The following EYA4 variants were observed in gnomAD, a reference collection of about 807,000 sequenced individuals.
EYA4 encodes EYA transcriptional coactivator and phosphatase 4.
A neutral mutation model predicts 87.9 loss-of-function variants in EYA4; 31 were observed. The ratio of observed to expected loss-of-function variants is 0.35; its 90% CI spans 0.27 to 0.48. The LOEUF (loss-of-function observed/expected upper bound fraction) is 0.48, where lower values mean the gene tolerates loss of function less well. Among genes scored for constraint, EYA4 ranks in the 20% least tolerant of loss-of-function variants. The pLI is 0.99. For synonymous variants in EYA4, 263 were observed against 270.6 expected, an observed-to-expected ratio of 0.97 and a Z score of 0.28; for missense variants, 678 against 761.4, an observed-to-expected ratio of 0.89 and a Z score of 1.29.
intron 2 of EYA4, among the ~76,000 whole-genome samples, chr6:133,304,992 G>C (rs925458002): frequency 6.6e-6 from 1 of 152,136 alleles, no homozygotes; most frequent in African/African-American, 2.4e-5. Flanking sequence ...AAGAGGGAAG[G>C]CTGCAATTTT....
chr6:133,293,185 A>G (rs558673863), intron 2 of EYA4, among the ~76,000 whole-genome samples: 3 of 152,212 alleles, frequency 2.0e-5, no homozygotes, highest in East Asian at 3.9e-4. Context: ...TGTCTTTGTT[A>G]TGCCCTCACC....
At chr6:133,469,247 C>G (rs1022425947) in intron 11 of EYA4, among the ~76,000 whole-genome samples, 12 of 151,858 alleles carry the variant, frequency 7.9e-5, no homozygotes, top group Admixed American at 7.2e-4. Context: ...ATTGCATTTG[C>G]GACACGTAAT....
At chr6:133,384,899 C>T (rs1461557951) in intron 3 of EYA4, among the ~76,000 whole-genome samples, 1 of 151,422 alleles carries the variant, frequency 6.6e-6, no homozygotes, top group Non-Finnish European at 1.5e-5. Flanking sequence ...TCTAACCTGT[C>T]AAAAAACAAA....
intron 1 of EYA4, among the ~76,000 whole-genome samples, chr6:133,257,756 T>G (rs917752587): frequency 5.3e-5 from 8 of 152,208 alleles, no homozygotes; most frequent in African/African-American, 1.9e-4. Context: ...ACAATTCTGT[T>G]TGCCTGATTC....
At chr6:133,332,711 A>ATTTTTTTTTTTTTT (rs71003634) in intron 2 of EYA4, among the ~76,000 whole-genome samples, 86 of 124,876 alleles carry the variant, frequency 6.9e-4, no homozygotes, top group Middle Eastern at 4.1e-3. Context: ...GCCCAGCTAA[A>ATTTTTTTTTTTTTT]TTTTTTTTTT....
chr6:133,309,313 A>C (rs2128328442), intron 2 of EYA4, among the ~76,000 whole-genome samples: 1 of 152,302 alleles, frequency 6.6e-6, no homozygotes, highest in South Asian at 2.1e-4. Flanking sequence ...TTTTCAGGGA[A>C]CAAATGTCAA....
intron 19 of EYA4, among the ~76,000 whole-genome samples, chr6:133,527,981 C>T (rs1197193441): frequency 6.6e-6 from 1 of 152,044 alleles, no homozygotes; most frequent in East Asian, 1.9e-4. Context: ...TTTAATGTCA[C>T]ATATGTACTG....
intron 2 of EYA4, among the ~76,000 whole-genome samples, chr6:133,348,635 T>C (rs763471922): frequency 2.0e-5 from 3 of 152,184 alleles, no homozygotes; most frequent in Non-Finnish European, 2.9e-5. Flanking sequence ...CCATTTTTTA[T>C]AGGGAAGATT....
At chr6:133,331,330 A>G (rs1781943251) in intron 2 of EYA4, among the ~76,000 whole-genome samples, 1 of 152,196 alleles carries the variant, frequency 6.6e-6, no homozygotes, top group Non-Finnish European at 1.5e-5. Context: ...AGTAGTGATC[A>G]GTATCATTTA....
rs951379319 is a variant in EYA4, at chr6:133,462,676, G to T, written c.636G>T (p.Gln212His). 3 of 1,613,852 alleles carry T rather than the reference G, an allele frequency of 1.9e-6. No individual in the cohort carries two copies. Among genetic ancestry groups the T allele is most frequent in the Non-Finnish European group, 2.5e-6 (3 of 1,179,936 alleles). ...CAGAGAGTGGACTTTCCCAAACTCAGTCCCCATTACAGAGTGGCTGCCTCA... is the reference window on the plus strand; with the variant it reads ...CAGAGAGTGGACTTTCCCAAACTCATTCCCCATTACAGAGTGGCTGCCTCA... ...IKTESGLSQT[Q>H]SPLQSGCLSY... Residue 212 changes from glutamine to histidine, a missense_variant, in exon 9 of 20, where the codon CAG (glutamine) becomes CAT (histidine). Coordinates refer to ENST00000355286, the MANE Select transcript of EYA4 (RefSeq NM_004100.5).
intron 2 of EYA4, among the ~76,000 whole-genome samples, chr6:133,323,342 A>G (rs1335039671): frequency 1.3e-5 from 2 of 152,142 alleles, no homozygotes; most frequent in African/African-American, 4.8e-5. Context: ...AAGAGCTCTG[A>G]GACTCAGAAC....
intron 1 of EYA4, among the ~76,000 whole-genome samples, chr6:133,243,159 T>C (rs1325046599): frequency 6.6e-6 from 1 of 151,394 alleles, no homozygotes; most frequent in African/African-American, 2.4e-5. Flanking sequence ...GACTCTGGTG[T>C]TCAAACCCAG....
At chr6:133,278,719 A>G (rs926840319) in intron 2 of EYA4, among the ~76,000 whole-genome samples, 2 of 152,152 alleles carry the variant, frequency 1.3e-5, no homozygotes, top group Non-Finnish European at 2.9e-5. Flanking sequence ...TTCCTCTAGT[A>G]TATCTGGCTC....
In EYA4 at chr6:133,529,889, G is replaced by T; in HGVS notation, c.*1084G>T. On this transcript the variant is annotated 3_prime_UTR_variant, in exon 20 of 20. Transcript: ENST00000355286. ...AGGTTGAGACTTTTGATATGTGTAA[G>T]TTGCATAGAGGAGGATATTATCATG... 2.0e-6 allele frequency: 2 copies of T among 985,304 alleles called. No individual in the cohort carries two copies. Among genetic ancestry groups the T allele is most frequent in the Non-Finnish European group, 2.4e-6 (2 of 829,830 alleles). The allele number at this position is 985,304 out of a possible 1,614,324, so 61.0% of individuals were successfully genotyped here.
intron 17 of EYA4, among the ~76,000 whole-genome samples, chr6:133,520,213 C>T (rs1459758849): frequency 1.3e-5 from 2 of 151,502 alleles, no homozygotes; most frequent in African/African-American, 2.4e-5. Context: ...TTGCAGACGA[C>T]ATGATTGTAT....
chr6:133,306,815 T>C (rs1402097213), intron 2 of EYA4, among the ~76,000 whole-genome samples: 2 of 152,206 alleles, frequency 1.3e-5, no homozygotes, highest in Non-Finnish European at 2.9e-5. Flanking sequence ...ATAGAAGAAT[T>C]GAACTTGACA....
At chr6:133,462,178 C>T (rs1468541346) in intron 7 of EYA4, 157 bp from the exon 8 acceptor site, 4 of 874,726 alleles carry the variant, frequency 4.6e-6, no homozygotes, top group Non-Finnish European at 7.4e-6. Flanking sequence ...GCCTGAGCTC[C>T]TGACATTCAG....
chr6:133,481,729 T>A (rs1796236785), intron 12 of EYA4, 130 bp downstream of exon 12: 1 of 992,376 alleles, frequency 1.0e-6, no homozygotes, highest in Admixed American at 1.9e-5. Context: ...ATGGAACTAC[T>A]TTGTGATAGG....
At chr6:133,246,004 C>T (rs931328670) in intron 1 of EYA4, among the ~76,000 whole-genome samples, 1 of 152,142 alleles carries the variant, frequency 6.6e-6, no homozygotes, top group Admixed American at 6.6e-5. Flanking sequence ...TTCTTACTCC[C>T]CTAACCCCTT....
Sources: gnomAD v4.1 joint callset for allele counts (sites outside exome capture counted in the v4.1 genomes callset) on GRCh38, gnomAD v4.1.1 for gene constraint, MANE v1.5 for transcripts, NCBI Gene and HGNC (gene_info 2026-07-23, HGNC 2026-07-21) for gene names.